Variants in CA5A observed in about 807,000 individuals in gnomAD.
CA5A encodes carbonic anhydrase 5A, mitochondrial.
CA5A carries 28 observed loss-of-function variants against 37.1 expected under a neutral mutation model. The ratio of observed to expected loss-of-function variants is 0.75; its 90% confidence interval spans 0.56 to 1.03. The LOEUF is 1.03. Ranked by LOEUF, CA5A falls within the 50% of genes least tolerant of loss-of-function variation. CA5A has a pLI of 0.00. For missense variants in CA5A, 444 were observed against 399.9 expected, an observed-to-expected ratio of 1.11 and a Z score of -0.94; for synonymous variants, 171 against 158.4, an observed-to-expected ratio of 1.08 and a Z score of -0.60.
Position 87,926,757 on chromosome 16 carries a change from C to T in CA5A, c.331G>A (p.Glu111Lys), listed in dbSNP as rs764707314. The change falls in exon 2 of 7, where the codon GAG (glutamate) becomes AAG (lysine). Residue 111 changes from glutamate (E) to lysine (K), a missense_variant. By Grantham distance (56) the Glu-to-Lys change is moderately conservative (BLOSUM62 1). Coordinates refer to ENST00000649794, the MANE Select transcript of CA5A (RefSeq NM_001739.2). ...LFQVEFDDAT[E>K]ASGISGGPLE... ...CCCAGCTGGCACTCACCTGATGCCT[C>T]GGTGGCATCGTCAAATTCCACCTGG... The T allele has an allele frequency of 1.2e-5, 19 of 1,613,124 alleles. No individual in the cohort carries two copies. The highest frequency in any genetic ancestry group is 6.6e-5 in the South Asian group (6 of 90,954).
At chr16:87,930,988 C>G (rs563247892) in intron 1 of CA5A, among the ~76,000 whole-genome samples, 11 of 152,050 alleles carry the variant, frequency 7.2e-5, no homozygotes, top group Admixed American at 6.5e-4. Context: ...ATCTGCCTGC[C>G]TCGGCCTCCC....
chr16:87,915,320 G>A (rs1012609523), intron 2 of CA5A, among the ~76,000 whole-genome samples: 1 of 152,030 alleles, frequency 6.6e-6, no homozygotes, highest in African/African-American at 2.4e-5. Context: ...AACTTCCAAA[G>A]GAAACTTTAT....
Position 87,891,953 on chromosome 16 carries a change from T to G in CA5A, c.620A>C (p.Asp207Ala). 4 of 1,533,358 alleles carry G rather than the reference T, an allele frequency of 2.6e-6. No individual in the cohort carries two copies. The allele number at this position is 1,533,358 out of a possible 1,614,324, so 95.0% of individuals were successfully genotyped here. Residue 207 changes from aspartate (D) to alanine (A), a missense_variant and splice_region_variant, in exon 6 of 7, where the codon GAC becomes GCC. Coordinates refer to ENST00000649794, the MANE Select transcript of CA5A (RefSeq NM_001739.2). ...VDILPEIKHK[D>A]ARAAMRPFDP... ...GAAGGGGCGCATGGCCGCCCGCGCG[T>G]CCTGAGAGACCGAGAAGCACAGGAC...
At chr16:87,932,670 G>C (rs1294944755) in intron 1 of CA5A, among the ~76,000 whole-genome samples, 2 of 151,896 alleles carry the variant, frequency 1.3e-5, no homozygotes, top group African/African-American at 4.8e-5. Flanking sequence ...CCTGGCCCAG[G>C]TGCAGGGGAC....
intron 6 of CA5A, among the ~76,000 whole-genome samples, chr16:87,890,276 G>T (rs1470161677): frequency 6.6e-6 from 1 of 152,078 alleles, no homozygotes; most frequent in African/African-American, 2.4e-5. Flanking sequence ...TCTCTTGGTG[G>T]CACAGACCCA....
chr16:87,916,918 C>T (rs1269285257), intron 2 of CA5A, among the ~76,000 whole-genome samples: 1 of 151,842 alleles, frequency 6.6e-6, no homozygotes, highest in Non-Finnish European at 1.5e-5. Flanking sequence ...CTGGCTAACA[C>T]AGTGAAACCC....
intron 2 of CA5A, among the ~76,000 whole-genome samples, chr16:87,919,488 C>T (rs979295374): frequency 4.9e-4 from 75 of 152,276 alleles, no homozygotes; most frequent in South Asian, 1.9e-3. Context: ...CAGCCTCGGG[C>T]GGCCACCTTC....
chr16:87,882,404 C>G (rs1002553496), intron 4 of CA5A: 1 of 152,232 alleles, frequency 6.6e-6, no homozygotes, highest in Non-Finnish European at 1.5e-5. Context: ...TATCCCTTGG[C>G]CTAGCGGGTC....
intron 2 of CA5A, among the ~76,000 whole-genome samples, chr16:87,922,811 T>C (rs1286426567): frequency 6.6e-6 from 1 of 152,250 alleles, no homozygotes; most frequent in Admixed American, 6.5e-5. Flanking sequence ...TGGATGCAGA[T>C]TCTTTCTCTA....
At chr16:87,929,820 C>T (rs964436963) in intron 1 of CA5A, among the ~76,000 whole-genome samples, 2 of 123,856 alleles carry the variant, frequency 1.6e-5, no homozygotes, top group African/African-American at 6.3e-5. Context: ...TGCAGTGAGC[C>T]GAGATCGCGC....
intron 5 of CA5A, among the ~76,000 whole-genome samples, chr16:87,897,038 G>T (rs1203249681): frequency 6.6e-6 from 1 of 152,254 alleles, no homozygotes; most frequent in Non-Finnish European, 1.5e-5. Flanking sequence ...TAGAGTCTCA[G>T]TTTCCCCAGG....
chr16:87,935,502 G>A (rs1395518977), intron 1 of CA5A, among the ~76,000 whole-genome samples: 2 of 152,206 alleles, frequency 1.3e-5, no homozygotes, highest in Admixed American at 6.5e-5. Flanking sequence ...CGGACTACCC[G>A]CCTGCTCCCA....
In CA5A at chr16:87,888,131, A is replaced by C. The variant is rs1465040257; in HGVS notation, c.916T>G (p.Ter306GluextTer3). The C allele has an allele frequency of 6.2e-7, 1 of 1,611,250 alleles. No individual in the cohort carries two copies. Among genetic ancestry groups the C allele is most frequent in the African/African-American group, 1.3e-5 (1 of 74,820 alleles). ...CTATTCATGTGGACCTAATGTCTCT[A>C]GGACCTTGTGCCCTCATTAGTGGCC... ...FQATNEGTRS[*>E] Residue 306 changes from the stop codon to glutamate, a stop_lost, in exon 7 of 7, where the codon TAG (stop) becomes GAG (glutamate). Transcript: ENST00000649794.
intron 2 of CA5A, chr16:87,924,281 C>G (rs1469043111): frequency 1.0e-6 from 1 of 985,350 alleles, no homozygotes; most frequent in Admixed American, 6.1e-5. Context: ...GCAGTGGAGC[C>G]TGATGAAGCA....
At chr16:87,891,557 T>C (rs1057264070) in intron 6 of CA5A, among the ~76,000 whole-genome samples, 1 of 152,002 alleles carries the variant, frequency 6.6e-6, no homozygotes, top group African/African-American at 2.4e-5. Flanking sequence ...ATGCCTCGTG[T>C]GTCTGTGTGT....
At chr16:87,902,768 TG>T (rs2055898396) in intron 3 of CA5A, among the ~76,000 whole-genome samples, 2 of 151,148 alleles carry the variant, frequency 1.3e-5, no homozygotes, top group Admixed American at 6.6e-5. Flanking sequence ...AAAAATTAGC[TG>T]GGCGTGGTGG....
intron 5 of CA5A, among the ~76,000 whole-genome samples, chr16:87,896,207 G>A (rs1230549884): frequency 2.0e-5 from 3 of 152,234 alleles, no homozygotes; most frequent in Non-Finnish European, 2.9e-5. Flanking sequence ...GGCCTGGCCC[G>A]TTCCGAGGTG....
At chr16:87,902,298 G>A in intron 4 of CA5A, 127 bp downstream of exon 4, 1 of 659,780 alleles carries the variant, frequency 1.5e-6, no homozygotes, top group South Asian at 1.9e-5. Context: ...AGGTTGCAAT[G>A]AGCCGAGACT....
chr16:87,904,332 C>T (rs1468989757), intron 3 of CA5A, among the ~76,000 whole-genome samples: 2 of 145,842 alleles, frequency 1.4e-5, no homozygotes, highest in African/African-American at 2.7e-5. Context: ...ACAGAGTGAA[C>T]CCTGTTTCAA....
Sources: gnomAD v4.1 joint callset for allele counts (sites outside exome capture counted in the v4.1 genomes callset) on GRCh38, gnomAD v4.1.1 for gene constraint, MANE v1.5 for transcripts, NCBI Gene and HGNC (gene_info 2026-07-23, HGNC 2026-07-21) for gene names.